KALRN: variants seen among roughly 807,000 people sequenced by gnomAD.
KALRN encodes kalirin.
A neutral mutation model predicts 353.7 loss-of-function variants in KALRN; 70 were observed. That is an observed-to-expected ratio of 0.20 (90% confidence interval 0.16 to 0.24). The LOEUF (loss-of-function observed/expected upper bound fraction) is 0.24, where lower values mean the gene tolerates loss of function less well. Among genes scored for constraint, KALRN ranks in the 10% least tolerant of loss-of-function variants. The pLI is 1.00. For missense variants in KALRN, 2,791 were observed against 3,756.7 expected (o/e 0.74, Z 6.72); for synonymous variants, 1,391 against 1,434.8 (o/e 0.97, Z 0.69).
rs114207426 is a variant in KALRN at position 124,138,978 on chromosome 3, A to G, written c.74-89012A>G. On this transcript the variant is annotated intron_variant, in intron 1 of 59. Transcript: ENST00000682506. ...GCGCATATAATACAGATGTGAGGCC[A>G]CAGAAAAAGCTCACTGCAAAGATAA... Among the ~76,000 whole-genome samples the G allele has an allele frequency of 2.5e-3, 388 of 152,308 alleles. 1 individual carries two copies. The highest frequency in any genetic ancestry group is 8.7e-3 in the African/African-American group (362 of 41,558).
chr3:124,682,822 C>G (rs1362118023), intron 51 of KALRN, among the ~76,000 whole-genome samples: 2 of 152,128 alleles, frequency 1.3e-5, no homozygotes, highest in East Asian at 3.8e-4. Context: ...GGAGGTAATT[C>G]TGCTCTAATG....
intron 1 of KALRN, among the ~76,000 whole-genome samples, chr3:124,178,153 T>C (rs2073041983): frequency 6.6e-6 from 1 of 152,208 alleles, no homozygotes; most frequent in East Asian, 1.9e-4. Context: ...TAAGGAACAC[T>C]AAGCAAGTGC....
At chr3:124,431,295 C>T (rs771873570) in intron 16 of KALRN, among the ~76,000 whole-genome samples, 7 of 152,148 alleles carry the variant, frequency 4.6e-5, no homozygotes, top group African/African-American at 2.4e-5. Context: ...ATTTTTACCC[C>T]GCTGAAAGCA....
At chr3:124,328,143 AAAT>A (rs1277832358) in intron 7 of KALRN, among the ~76,000 whole-genome samples, 1 of 152,210 alleles carries the variant, frequency 6.6e-6, no homozygotes, top group Non-Finnish European at 1.5e-5. Flanking sequence ...CTAAAGACTG[AAAT>A]AATACTTGTG....
chr3:124,237,794 C>A (rs1296900350), intron 3 of KALRN, among the ~76,000 whole-genome samples: 1 of 152,156 alleles, frequency 6.6e-6, no homozygotes, highest in Non-Finnish European at 1.5e-5. Context: ...TAGGGGAAAC[C>A]TGGGTATTTT....
At chr3:124,181,690 T>C (rs1371529342) in intron 1 of KALRN, among the ~76,000 whole-genome samples, 1 of 152,110 alleles carries the variant, frequency 6.6e-6, no homozygotes. Flanking sequence ...AATCTTTTGC[T>C]GCAGTCGTTT....
chr3:124,240,265 A>G (rs1206142988), intron 3 of KALRN, among the ~76,000 whole-genome samples: 1 of 152,190 alleles, frequency 6.6e-6, no homozygotes, highest in African/African-American at 2.4e-5. Flanking sequence ...ATGAAGAGGC[A>G]TCTTAGTCTA....
intron 3 of KALRN, among the ~76,000 whole-genome samples, chr3:124,251,280 G>A (rs1021883347): frequency 6.6e-6 from 1 of 151,978 alleles, no homozygotes; most frequent in Non-Finnish European, 1.5e-5. Flanking sequence ...GCCATTCCCG[G>A]AGCTCTCTTT....
chr3:124,597,955 T>C (rs547708469), intron 34 of KALRN, among the ~76,000 whole-genome samples: 4 of 152,198 alleles, frequency 2.6e-5, no homozygotes, highest in Non-Finnish European at 5.9e-5. Context: ...CCTGCCCTTA[T>C]GTTTGGAGGA....
At chr3:124,494,140 C>T (rs1424073010) in intron 32 of KALRN, among the ~76,000 whole-genome samples, 1 of 152,196 alleles carries the variant, frequency 6.6e-6, no homozygotes, top group African/African-American at 2.4e-5. Flanking sequence ...ATTTCCAGAA[C>T]ATGGGAAAGG....
chr3:124,616,038 G>A (rs1385194927), intron 34 of KALRN, among the ~76,000 whole-genome samples: 1 of 152,098 alleles, frequency 6.6e-6, no homozygotes, highest in Admixed American at 6.6e-5. Flanking sequence ...TTTCTTTCCT[G>A]TTCCACCCAA....
chr3:124,326,254 A>G, intron 7 of KALRN, 83 bp downstream of exon 7: 1 of 1,160,210 alleles, frequency 8.6e-7, no homozygotes. Flanking sequence ...GAGCACACAC[A>G]CTCTCTATAG....
At chr3:124,184,605 C>G (rs2073993642) in intron 1 of KALRN, among the ~76,000 whole-genome samples, 1 of 152,128 alleles carries the variant, frequency 6.6e-6, no homozygotes, top group Non-Finnish European at 1.5e-5. Flanking sequence ...ATTTTCAACT[C>G]CCCTTTGAAG....
chr3:124,408,651 A>C (rs2091844286), intron 13 of KALRN, among the ~76,000 whole-genome samples: 1 of 152,192 alleles, frequency 6.6e-6, no homozygotes, highest in Admixed American at 6.5e-5. Flanking sequence ...AGAAAGAACT[A>C]TACAGTGAGA....
intron 11 of KALRN, among the ~76,000 whole-genome samples, chr3:124,393,631 T>C (rs983294273): frequency 2.0e-5 from 3 of 152,248 alleles, no homozygotes; most frequent in Admixed American, 2.0e-4. Context: ...GTAGGCTTAT[T>C]AATACTGCCA....
intron 37 of KALRN, among the ~76,000 whole-genome samples, chr3:124,640,602 A>G (rs1042674154): frequency 6.6e-6 from 1 of 152,084 alleles, no homozygotes. Flanking sequence ...CTATTATTCT[A>G]TTCTAAATGC....
intron 34 of KALRN, among the ~76,000 whole-genome samples, chr3:124,574,896 G>T (rs1177363143): frequency 6.6e-6 from 1 of 152,194 alleles, no homozygotes. Flanking sequence ...AGCTCTAGGA[G>T]CTCTCAGCAA....
intron 26 of KALRN, among the ~76,000 whole-genome samples, chr3:124,476,883 T>C (rs2061478502): frequency 6.6e-6 from 1 of 152,244 alleles, no homozygotes; most frequent in Admixed American, 6.5e-5. Flanking sequence ...TGCTGTCCTT[T>C]TTCAAGATGG....
chr3:124,495,986 T>TA (rs1328398797), intron 32 of KALRN, among the ~76,000 whole-genome samples: 1 of 52,796 alleles, frequency 1.9e-5, no homozygotes, highest in African/African-American at 8.5e-5. Context: ...TATATATATA[T>TA]ATATATATAT....
Sources: gnomAD v4.1 joint callset for allele counts (sites outside exome capture counted in the v4.1 genomes callset) on GRCh38, gnomAD v4.1.1 for gene constraint, MANE v1.5 for transcripts, NCBI Gene and HGNC (gene_info 2026-07-23, HGNC 2026-07-21) for gene names.